CHD3: variants seen among roughly 807,000 people sequenced by gnomAD.
CHD3 encodes chromodomain helicase DNA binding protein 3.
CHD3 carries 52 observed loss-of-function variants against 248.9 expected under a neutral mutation model. The ratio of observed to expected loss-of-function variants is 0.21; its 90% confidence interval spans 0.17 to 0.26. The LOEUF is 0.26. CHD3 is among the 10% of genes least tolerant of loss of function. The pLI is 1.00. For synonymous variants in CHD3, 985 were observed against 985.2 expected (o/e 1.00, Z 0.00); for missense variants, 1,482 against 2,605.8 (o/e 0.57, Z 9.39).
chr17:7,897,955 G>A lies in CHD3; in HGVS notation c.1920-16G>A, dbSNP rs1191401495. 3 of 1,608,648 alleles carry A rather than the reference G, an allele frequency of 1.9e-6. No individual in the cohort carries two copies. The highest frequency in any genetic ancestry group is 1.7e-6 in the Non-Finnish European group (2 of 1,177,652). On this transcript the variant is annotated splice_polypyrimidine_tract_variant and intron_variant, in intron 11 of 39. Transcript: ENST00000330494. This position sits in a 1 kb window ranked among gnomAD's most constrained non-coding sequence, Gnocchi z 4.8. Reference sequence around the variant, plus strand: ...TATTTTCCTCCTGCTCCTCCCCATGGCCTCCTGCCCCACAGTGTGGATAAA... The same window carrying A: ...TATTTTCCTCCTGCTCCTCCCCATGACCTCCTGCCCCACAGTGTGGATAAA...
chr17:7,884,927 G>A, upstream of CHD3: 2 of 1,410,622 alleles, frequency 1.4e-6, no homozygotes, highest in Non-Finnish European at 1.9e-6. Flanking sequence ...GGCGGCCGAC[G>A]AGGACGATGA....
upstream of CHD3, among the ~76,000 whole-genome samples, chr17:7,887,755 C>T (rs938724759): frequency 6.6e-6 from 1 of 152,268 alleles, no homozygotes; most frequent in African/African-American, 2.4e-5. Flanking sequence ...CGGCCCCCGC[C>T]TCTCTCCTCC....
chr17:7,885,198 A>C (rs1180696007), upstream of CHD3: 1 of 945,952 alleles, frequency 1.1e-6, no homozygotes. Flanking sequence ...CCGGAGCGCG[A>C]ATCCGGGGCT....
At chr17:7,894,851 C>G in intron 8 of CHD3, 66 bp from the exon 9 acceptor site, 1 of 1,587,832 alleles carries the variant, frequency 6.3e-7, no homozygotes, top group Middle Eastern at 1.7e-4. Context: ...CTGTCTTTGC[C>G]TGTATCTTCC....
chr17:7,888,756 G>A (rs1201709342), upstream of CHD3: 3 of 1,324,248 alleles, frequency 2.3e-6, no homozygotes, highest in East Asian at 2.9e-5. Context: ...GTGCTTTTGA[G>A]AAGGCATATG....
chr17:7,903,787 T>C lies in CHD3; in HGVS notation c.3728-38T>C. On this transcript the variant is annotated intron_variant, in intron 23 of 39. Coordinates refer to ENST00000330494, the MANE Select transcript of CHD3 (RefSeq NM_001005273.3). This position sits in a 1 kb window ranked among gnomAD's most constrained non-coding sequence, Gnocchi z 6.8. The stretch of plus-strand genomic sequence containing the variant: ...CTTTCCCATCAGCCTTTCTAAACTT[T>C]GGAACCCAAAGTTCCCGTTTGTTTT... 1.9e-6 allele frequency: 3 copies of C among 1,607,416 alleles called. No individual in the cohort carries two copies. The highest frequency in any genetic ancestry group is 1.1e-5 in the South Asian group (1 of 90,648).
chr17:7,897,208 C>T lies in CHD3; in HGVS notation c.1833C>T (p.Asp611=). ...AGAGCGACAAGCGTAAAGTGAAAGA[C>T]CCGCACTATGCTGAGATGGAGGAGA... ...DGKSDKRKVK[D]PHYAEMEEKY... is the part of the protein sequence containing the mutation. Residue 611 remains aspartate, a synonymous_variant, in exon 11 of 40, where the codon GAC becomes GAT. Coordinates refer to ENST00000330494, the MANE Select transcript of CHD3 (RefSeq NM_001005273.3). The surrounding 1 kb of genome is among the most constrained non-coding windows in gnomAD (Gnocchi z 4.8). 3.1e-6 allele frequency: 5 copies of T among 1,614,138 alleles called. No homozygotes were observed. The South Asian group carries it at 5.5e-5, about 18-fold the overall frequency.
chr17:7,893,914 C>T lies in CHD3; in HGVS notation c.903C>T (p.Gly301=). 1 of 1,598,092 alleles carries T rather than the reference C, an allele frequency of 6.3e-7. No homozygotes were observed. The highest frequency in any genetic ancestry group is 1.1e-5 in the South Asian group (1 of 90,608). Residue 301 remains glycine (G), a synonymous_variant, in exon 6 of 40, where the codon GGC becomes GGT. Coordinates refer to ENST00000330494, the MANE Select transcript of CHD3 (RefSeq NM_001005273.3). ...AAATAAAACTAGGGCTTCTGGGTGG[C>T]AAGAGGAAGAAAGGAGGCTCGGTGA... ...PLKIKLGLLG[G]KRKKGGSYVF... is the part of the protein sequence containing the mutation.
chr17:7,903,175 C>A lies in CHD3; in HGVS notation c.3496-97C>A. On this transcript the variant is annotated intron_variant, in intron 22 of 39. Coordinates refer to ENST00000330494, the MANE Select transcript of CHD3 (RefSeq NM_001005273.3). The surrounding 1 kb of genome is among the most constrained non-coding windows in gnomAD (Gnocchi z 6.8). ...AAATCTCTTCTGGGAGGAGAGAAGGCCCTTCTTCAGCAGCCTTCTTTCCTG... is the reference window on the plus strand; with the variant it reads ...AAATCTCTTCTGGGAGGAGAGAAGGACCTTCTTCAGCAGCCTTCTTTCCTG... 6.4e-7 allele frequency: 1 copy of A among 1,563,710 alleles called. No individual in the cohort carries two copies. The highest frequency in any genetic ancestry group is 8.7e-7 in the Non-Finnish European group (1 of 1,143,566).
At chr17:7,902,210 C>T (rs1970399905) in intron 20 of CHD3, among the ~76,000 whole-genome samples, 2 of 151,996 alleles carry the variant, frequency 1.3e-5, no homozygotes. Context: ...CACTTGAGGT[C>T]AGGAGTTTCA....
rs1200663333 is a variant in CHD3 at position 7,907,221 on chromosome 17, A to C, written c.4762A>C (p.Arg1588=). The C allele has an allele frequency of 6.2e-7, 1 of 1,614,246 alleles. No homozygotes were observed. The highest frequency in any genetic ancestry group is 1.1e-5 in the South Asian group (1 of 91,082). ...GGAGGAAAAGCCAGAGAAGAACAGC[A>C]GAATTGGGGAGAAGATGGAGACAGA... ...NQEEKPEKNS[R]IGEKMETEAD... Residue 1588 remains arginine, a synonymous_variant, in exon 31 of 40, where the codon AGA becomes CGA. Coordinates refer to ENST00000330494, the MANE Select transcript of CHD3 (RefSeq NM_001005273.3). The surrounding 1 kb of genome is among the most constrained non-coding windows in gnomAD (Gnocchi z 4.3).
chr17:7,893,983 A>G (rs1969276491), intron 6 of CHD3, 48 bp downstream of exon 6: 1 of 1,572,284 alleles, frequency 6.4e-7, no homozygotes, highest in Non-Finnish European at 8.6e-7. Context: ...CCAAGGATCC[A>G]GAGACAGGGA....
In CHD3 at chr17:7,897,076, C is replaced by T. The variant is rs1969775699; in HGVS notation, c.1708-7C>T. ...TATCTCTTTCCCTTTTTTCTGTGCC[C>T]TGCTAGCTGGAAATCTTCCATTTGG... On this transcript the variant is annotated splice_region_variant and splice_polypyrimidine_tract_variant and intron_variant, in intron 10 of 39. Transcript: ENST00000330494. The surrounding 1 kb of genome is among the most constrained non-coding windows in gnomAD (Gnocchi z 4.8). 1 of 1,612,636 alleles carries T rather than the reference C, an allele frequency of 6.2e-7. No individual in the cohort carries two copies. The highest frequency in any genetic ancestry group is 1.7e-5 in the Admixed American group (1 of 59,614).
Position 7,895,630 on chromosome 17 carries a change from A to C in CHD3, c.1707+88A>C. ...TTACTCCTCTGTTTGTTGGGTTCCC[A>C]TACTCTTTGTTTTCTCTCATTTCAG... On this transcript the variant is annotated intron_variant, in intron 10 of 39. Coordinates refer to ENST00000330494, the MANE Select transcript of CHD3 (RefSeq NM_001005273.3). This position sits in a 1 kb window ranked among gnomAD's most constrained non-coding sequence, Gnocchi z 4.9. 8.3e-7 allele frequency: 1 copy of C among 1,199,572 alleles called. No homozygotes were observed. Among genetic ancestry groups the C allele is most frequent in the Non-Finnish European group, 1.2e-6 (1 of 829,900 alleles). 74.3% of individuals were successfully genotyped at this position (1,199,572 alleles called of 1,614,324 possible). A position where few individuals can be genotyped will look rare whatever the true frequency, so the allele number is the denominator to read the frequency against.
Position 7,910,717 on chromosome 17 carries a change from G to T in CHD3, c.5754+126G>T. The T allele has an allele frequency of 6.7e-7, 1 of 1,503,402 alleles. No individual in the cohort carries two copies. The highest frequency in any genetic ancestry group is 1.3e-5 in the South Asian group (1 of 77,800). The allele number at this position is 1,503,402 out of a possible 1,614,324, so 93.1% of individuals were successfully genotyped here. A position where few individuals can be genotyped will look rare whatever the true frequency, so the allele number is the denominator to read the frequency against. ...TTGCTAGAACACAGTCATCACCCTT[G>T]AGTGAGTCTCCCTGCCTGTGTATCC... On this transcript the variant is annotated intron_variant, in intron 38 of 39. Transcript: ENST00000330494. The surrounding 1 kb of genome is among the most constrained non-coding windows in gnomAD (Gnocchi z 4.7).
Position 7,898,486 on chromosome 17 carries a change from C to T in CHD3, c.2052-10C>T. 6.2e-7 allele frequency: 1 copy of T among 1,607,868 alleles called. No individual in the cohort carries two copies. Among genetic ancestry groups the T allele is most frequent in the Non-Finnish European group, 8.5e-7 (1 of 1,175,048 alleles). On this transcript the variant is annotated splice_polypyrimidine_tract_variant and intron_variant, in intron 12 of 39. Transcript: ENST00000330494. Reference sequence around the variant, plus strand: ...GGATGAGGCCTCATTCAGACCCACTCTTTTTCCAGAGAACTAATTATGGGG... The same window carrying T: ...GGATGAGGCCTCATTCAGACCCACTTTTTTTCCAGAGAACTAATTATGGGG...
chr17:7,902,348 G>A (rs1348288115), intron 20 of CHD3, among the ~76,000 whole-genome samples: 2 of 152,060 alleles, frequency 1.3e-5, no homozygotes, highest in African/African-American at 4.8e-5. Flanking sequence ...CTTGAACCCA[G>A]GAGTGGAGGT....
chr17:7,893,745 A>G (rs1969224783), intron 5 of CHD3, 60 bp from the exon 6 acceptor site: 7 of 1,587,422 alleles, frequency 4.4e-6, no homozygotes, highest in South Asian at 2.3e-5. Flanking sequence ...TGTGACCTCC[A>G]TAATTCCAGG....
In CHD3 at chr17:7,905,495, T is replaced by A; in HGVS notation, c.4139-126T>A. On this transcript the variant is annotated intron_variant, in intron 26 of 39. Coordinates refer to ENST00000330494, the MANE Select transcript of CHD3 (RefSeq NM_001005273.3). The surrounding 1 kb of genome is among the most constrained non-coding windows in gnomAD (Gnocchi z 5.8). ...TAGTTCTGAAGTGCTTGGGAGAGAA[T>A]TGGGAGCACCTCAAACGTGACAGGA... The A allele has an allele frequency of 1.4e-6, 1 of 720,462 alleles. No homozygotes were observed. The highest frequency in any genetic ancestry group is 1.9e-5 in the South Asian group (1 of 51,822). The allele number at this position is 720,462 out of a possible 1,614,324, so 44.6% of individuals were successfully genotyped here. A position where few individuals can be genotyped will look rare whatever the true frequency, so the allele number is the denominator to read the frequency against.
Sources: allele counts gnomAD v4.1 joint callset (sites outside exome capture counted in the v4.1 genomes callset), GRCh38; gene constraint gnomAD v4.1.1; non-coding constraint Gnocchi (gnomAD v3.1); transcripts MANE v1.5; gene names NCBI Gene and HGNC (gene_info 2026-07-23, HGNC 2026-07-21).